The following LRMDA variants were observed in gnomAD, a reference collection of about 807,000 sequenced individuals.
LRMDA encodes the protein leucine-rich melanocyte differentiation-associated protein.
A neutral mutation model predicts 29.8 loss-of-function variants in LRMDA; 18 were observed. That is an observed-to-expected ratio of 0.60 (90% confidence interval 0.42 to 0.90). The LOEUF is 0.90. Ranked by LOEUF, LRMDA falls within the 40% of genes least tolerant of loss-of-function variation. LRMDA has a pLI of 0.00. For synonymous variants in LRMDA, 125 were observed against 109.4 expected (o/e 1.14, Z -0.89); for missense variants, 273 against 273.9 (o/e 1.00, Z 0.02).
intron 6 of LRMDA, among the ~76,000 whole-genome samples, chr10:76,466,412 C>T (rs529664557): frequency 2.6e-5 from 4 of 152,042 alleles, no homozygotes; most frequent in South Asian, 2.1e-4. Context: ...AACAGGTGTC[C>T]GCTGGCAAAA....
intron 2 of LRMDA, among the ~76,000 whole-genome samples, chr10:75,679,905 A>G (rs545393033): frequency 6.6e-6 from 1 of 152,282 alleles, no homozygotes; most frequent in Non-Finnish European, 1.5e-5. Flanking sequence ...AGTCACAGGA[A>G]ATAAAAAAAA....
chr10:76,146,423 T>A (rs527735583), intron 5 of LRMDA, among the ~76,000 whole-genome samples: 13 of 151,656 alleles, frequency 8.6e-5, no homozygotes, highest in Non-Finnish European at 1.6e-4. Context: ...TCTTGTTGAA[T>A]TGATCCCTTT....
At chr10:75,958,440 G>C (rs1338272247) in intron 2 of LRMDA, among the ~76,000 whole-genome samples, 2 of 152,194 alleles carry the variant, frequency 1.3e-5, no homozygotes, top group South Asian at 4.1e-4. Flanking sequence ...ATTCACAAGA[G>C]TGAATTGATC....
chr10:76,488,725 C>T (rs989013834), intron 6 of LRMDA, among the ~76,000 whole-genome samples: 6 of 151,998 alleles, frequency 3.9e-5, no homozygotes, highest in Middle Eastern at 6.8e-3. Context: ...TTTCTACCAG[C>T]AGTGTCTAAG....
chr10:75,799,277 T>C (rs1461513056), intron 2 of LRMDA, among the ~76,000 whole-genome samples: 1 of 152,200 alleles, frequency 6.6e-6, no homozygotes, highest in Non-Finnish European at 1.5e-5. Flanking sequence ...TTCGTATGTC[T>C]TCCTGATTAT....
intron 2 of LRMDA, among the ~76,000 whole-genome samples, chr10:75,817,629 T>G (rs1795267866): frequency 6.6e-6 from 1 of 152,192 alleles, no homozygotes; most frequent in African/African-American, 2.4e-5. Context: ...GTGAAATATG[T>G]AAAGACACAA....
intron 2 of LRMDA, among the ~76,000 whole-genome samples, chr10:75,638,625 A>G (rs972536531): frequency 6.6e-6 from 1 of 152,198 alleles, no homozygotes; most frequent in East Asian, 1.9e-4. Context: ...TACTTTAGCA[A>G]TTTATAACTA....
chr10:75,801,802 G>C (rs755909485), intron 2 of LRMDA, among the ~76,000 whole-genome samples: 3 of 152,150 alleles, frequency 2.0e-5, no homozygotes, highest in Non-Finnish European at 4.4e-5. Flanking sequence ...CTAATTTTTT[G>C]CCTTGTACTC....
At chr10:76,120,373 A>G (rs1169505230) in intron 5 of LRMDA, among the ~76,000 whole-genome samples, 1 of 151,786 alleles carries the variant, frequency 6.6e-6, no homozygotes, top group African/African-American at 2.4e-5. Context: ...ATTTTAGCGG[A>G]GACAGGATTT....
chr10:75,533,692 A>T (rs1338977121), intron 2 of LRMDA, among the ~76,000 whole-genome samples: 1 of 152,148 alleles, frequency 6.6e-6, no homozygotes, highest in Non-Finnish European at 1.5e-5. Flanking sequence ...TGTGTTTGGG[A>T]TCAGGCAGTT....
At chr10:75,747,518 C>G (rs577148286) in intron 2 of LRMDA, among the ~76,000 whole-genome samples, 5 of 152,046 alleles carry the variant, frequency 3.3e-5, no homozygotes, top group Non-Finnish European at 5.9e-5. Flanking sequence ...AGTAACTACC[C>G]CTAAAGAGAT....
chr10:76,370,755 A>T (rs1841444489), intron 6 of LRMDA, among the ~76,000 whole-genome samples: 1 of 152,190 alleles, frequency 6.6e-6, no homozygotes. Context: ...AACATAGTAT[A>T]CATACTATAT....
chr10:75,730,852 A>G (rs1842688440), intron 2 of LRMDA, among the ~76,000 whole-genome samples: 2 of 152,112 alleles, frequency 1.3e-5, no homozygotes, highest in African/African-American at 4.8e-5. Context: ...AATTAAATAT[A>G]TAGGAAACTT....
intron 6 of LRMDA, among the ~76,000 whole-genome samples, chr10:76,460,092 A>G (rs566457430): frequency 1.4e-4 from 21 of 152,296 alleles, no homozygotes; most frequent in Non-Finnish European, 2.6e-4. Flanking sequence ...TGTGTCCCCT[A>G]TTTAGTGACT....
At chr10:76,007,031 T>TGTGTGTGTGTGTGTGCGC in intron 2 of LRMDA, among the ~76,000 whole-genome samples, 2 of 26,964 alleles carry the variant, frequency 7.4e-5, no homozygotes, top group East Asian at 1.6e-3. Context: ...TGTGTGTGTG[T>TGTGTGTGTGTGTGTGCGC]GCGCGTGTGT....
At chr10:75,714,518 T>A (rs1403345133) in intron 2 of LRMDA, among the ~76,000 whole-genome samples, 1 of 152,232 alleles carries the variant, frequency 6.6e-6, no homozygotes, top group East Asian at 1.9e-4. Flanking sequence ...AGCTGGCTCA[T>A]ACATGGCCCA....
chr10:75,482,931 A>ACCTTT (rs546277448), intron 2 of LRMDA, among the ~76,000 whole-genome samples: 46 of 151,510 alleles, frequency 3.0e-4, no homozygotes, highest in African/African-American at 1.0e-3. Context: ...AGCTTAGTTA[A>ACCTTT]CCTTTCCTTT....
intron 2 of LRMDA, among the ~76,000 whole-genome samples, chr10:75,594,287 C>T (rs1308250999): frequency 2.0e-5 from 3 of 152,198 alleles, no homozygotes; most frequent in African/African-American, 7.2e-5. Context: ...GTAGTTGGTG[C>T]TTTCTCCTAG....
chr10:76,480,820 G>T (rs756581346), intron 6 of LRMDA, among the ~76,000 whole-genome samples: 7 of 151,874 alleles, frequency 4.6e-5, no homozygotes, highest in Non-Finnish European at 8.8e-5. Flanking sequence ...TTCAACTTAG[G>T]TTTGACTCTA....
Sources: gnomAD v4.1 joint callset for allele counts (sites outside exome capture counted in the v4.1 genomes callset) on GRCh38, gnomAD v4.1.1 for gene constraint, MANE v1.5 for transcripts, NCBI Gene and HGNC (gene_info 2026-07-23, HGNC 2026-07-21) for gene names.